Variants in ZBTB8B observed in about 807,000 individuals in gnomAD.
ZBTB8B encodes the protein zinc finger and BTB domain containing 8B.
A neutral mutation model predicts 30.3 loss-of-function variants in ZBTB8B; 17 were observed. The observed-to-expected ratio is 0.56, with a 90% confidence interval of 0.38 to 0.84. ZBTB8B has a LOEUF of 0.84. ZBTB8B is among the 40% of genes least tolerant of loss of function. ZBTB8B has a pLI of 0.00. For synonymous variants in ZBTB8B, 248 were observed against 255.6 expected, an observed-to-expected ratio of 0.97 and a Z score of 0.28; for missense variants, 515 against 644.9, an observed-to-expected ratio of 0.80 and a Z score of 2.18.
In ZBTB8B at chr1:32,465,857, C is replaced by T. The variant is rs1425951383; in HGVS notation, c.-42+752C>T. Among the ~76,000 whole-genome samples the T allele has an allele frequency of 1.3e-5, 2 of 152,044 alleles. No individual in the cohort carries two copies. Reference sequence around the variant, plus strand: ...AAGAGGATGTAGTTAGAGTATCTGTCGTACTGGATTATTGTGAGGTGAAAA... The same window carrying T: ...AAGAGGATGTAGTTAGAGTATCTGTTGTACTGGATTATTGTGAGGTGAAAA... On this transcript the variant is annotated intron_variant, in intron 1 of 3. Coordinates refer to ENST00000609129, the MANE Select transcript of ZBTB8B (RefSeq NM_001145720.2). The surrounding 1 kb of genome is among the most constrained non-coding windows in gnomAD (Gnocchi z 4.1).
rs992063687 is a variant in ZBTB8B, at chr1:32,494,117, A to C, written c.*8699A>C. On this transcript the variant is annotated 3_prime_UTR_variant, in exon 4 of 4. Coordinates refer to ENST00000609129, the MANE Select transcript of ZBTB8B (RefSeq NM_001145720.2). The stretch of plus-strand genomic sequence containing the variant: ...AGAATTGCTTGAGCCCAGGAGGTGG[A>C]GGTTGCAGTGAGCTGAGATCACACC... The C allele has an allele frequency of 1.5e-5, 2 of 134,756 alleles. No homozygotes were observed. The highest frequency in any genetic ancestry group is 3.1e-5 in the Non-Finnish European group (2 of 64,546). The allele number at this position is 134,756 out of a possible 1,614,324, so 8.3% of individuals were successfully genotyped here.
chr1:32,474,549 AG>A (rs1167724519), intron 2 of ZBTB8B, among the ~76,000 whole-genome samples: 10 of 151,408 alleles, frequency 6.6e-5, no homozygotes, highest in African/African-American at 2.4e-4. Context: ...AAAAGGAAAA[AG>A]AAAAAAAAAA....
At position 32,492,172 on chromosome 1, in the gene ZBTB8B, G is replaced by T. The variant is rs1031546035; in HGVS notation, c.*6754G>T. On this transcript the variant is annotated 3_prime_UTR_variant, in exon 4 of 4. Transcript: ENST00000609129. ...CTTTGGTGTCACTCATAATAGGTGAGTATAGTATGTCGTACTGTAGGGACA... is the reference window on the plus strand; with the variant it reads ...CTTTGGTGTCACTCATAATAGGTGATTATAGTATGTCGTACTGTAGGGACA... 2 of 151,978 alleles carry T rather than the reference G, an allele frequency of 1.3e-5. No homozygotes were observed. Among genetic ancestry groups the T allele is most frequent in the African/African-American group, 4.8e-5 (2 of 41,356 alleles). 9.4% of individuals were successfully genotyped at this position (151,978 alleles called of 1,614,324 possible).
intron 2 of ZBTB8B, among the ~76,000 whole-genome samples, chr1:32,476,400 C>G (rs543403027): frequency 6.6e-6 from 1 of 152,196 alleles, no homozygotes; most frequent in Non-Finnish European, 1.5e-5. Flanking sequence ...CTCCCCTTTC[C>G]TCATGTACCT....
chr1:32,474,047 C>T (rs1643643704), intron 2 of ZBTB8B, among the ~76,000 whole-genome samples: 1 of 151,800 alleles, frequency 6.6e-6, no homozygotes, highest in African/African-American at 2.4e-5. Flanking sequence ...GATGAGGTTT[C>T]ACCATGTTGG....
Position 32,490,408 on chromosome 1 carries a change from T to A in ZBTB8B, c.*4990T>A, listed in dbSNP as rs1412423492. On this transcript the variant is annotated 3_prime_UTR_variant, in exon 4 of 4. Transcript: ENST00000609129. ...GGGCACTGTTTTCATTGATTTCTGT[T>A]GCTTTTGTAGTTCTCTCCACTCAAC... 1 of 152,198 alleles carries A rather than the reference T, an allele frequency of 6.6e-6. No homozygotes were observed. Among genetic ancestry groups the A allele is most frequent in the Non-Finnish European group, 1.5e-5 (1 of 68,026 alleles). The allele number at this position is 152,198 out of a possible 1,614,324, so 9.4% of individuals were successfully genotyped here.
chr1:32,495,744 T>G lies in ZBTB8B; in HGVS notation c.*10326T>G, dbSNP rs552092582. ...TTTAGAATGAGTTGTTAGCTGGGTG[T>G]GGTAGTGTACACCTGTAGTCCCAGC... On this transcript the variant is annotated 3_prime_UTR_variant, in exon 4 of 4. Coordinates refer to ENST00000609129, the MANE Select transcript of ZBTB8B (RefSeq NM_001145720.2). The G allele has an allele frequency of 1.4e-3, 209 of 152,230 alleles. 2 individuals carry two copies. The highest frequency in any genetic ancestry group is 4.4e-3 in the African/African-American group (182 of 41,534). 9.4% of individuals were successfully genotyped at this position (152,230 alleles called of 1,614,324 possible). A position where few individuals can be genotyped will look rare whatever the true frequency, so the allele number is the denominator to read the frequency against.
At chr1:32,477,930 G>A (rs929237370) in intron 2 of ZBTB8B, among the ~76,000 whole-genome samples, 1 of 151,108 alleles carries the variant, frequency 6.6e-6, no homozygotes, top group African/African-American at 2.4e-5. Flanking sequence ...GGTGGTACTC[G>A]CCTGTAATCC....
chr1:32,486,960 A>G lies in ZBTB8B; in HGVS notation c.*1542A>G, dbSNP rs1456834857. On this transcript the variant is annotated 3_prime_UTR_variant, in exon 4 of 4. Transcript: ENST00000609129. ...AGCCACACAATTATTGTAACAAAAG[A>G]GGCTGAACTCTTTAAAGGGCTAAAG... The G allele has an allele frequency of 6.6e-6, 1 of 152,228 alleles. No individual in the cohort carries two copies. The highest frequency in any genetic ancestry group is 2.4e-5 in the African/African-American group (1 of 41,464). 9.4% of individuals were successfully genotyped at this position (152,228 alleles called of 1,614,324 possible). A position where few individuals can be genotyped will look rare whatever the true frequency, so the allele number is the denominator to read the frequency against.
In ZBTB8B at chr1:32,485,657, G is replaced by C; in HGVS notation, c.*239G>C. ...TTTGCTGGCCACTCCTTAATTCTGAGTGAGTCAAAGCAGGCCCTGAGGTCT... is the reference window on the plus strand; with the variant it reads ...TTTGCTGGCCACTCCTTAATTCTGACTGAGTCAAAGCAGGCCCTGAGGTCT... On this transcript the variant is annotated 3_prime_UTR_variant, in exon 4 of 4. Transcript: ENST00000609129. 5.8e-6 allele frequency: 3 copies of C among 517,404 alleles called. No individual in the cohort carries two copies. Among genetic ancestry groups the C allele is most frequent in the Non-Finnish European group, 1.0e-5 (3 of 288,852 alleles). The allele number at this position is 517,404 out of a possible 1,614,324, so 32.1% of individuals were successfully genotyped here.
rs1643731544 is a variant in ZBTB8B at position 32,484,840 on chromosome 1, G to C, written c.1171-261G>C. On this transcript the variant is annotated intron_variant, in intron 3 of 3. Coordinates refer to ENST00000609129, the MANE Select transcript of ZBTB8B (RefSeq NM_001145720.2). The surrounding 1 kb of genome is among the most constrained non-coding windows in gnomAD (Gnocchi z 4.5). ...TTCCTGAGGCCTCCCTAGAAGCCAA[G>C]CAGATGCCAGCATCATGCTTCCTGT... 1.3e-5 allele frequency among the ~76,000 whole-genome samples: 2 copies of C among 152,096 alleles called. No homozygotes were observed. The highest frequency in any genetic ancestry group is 4.8e-5 in the African/African-American group (2 of 41,412).
intron 2 of ZBTB8B, among the ~76,000 whole-genome samples, chr1:32,477,738 C>CAA (rs544220090): frequency 6.9e-5 from 7 of 100,882 alleles, no homozygotes; most frequent in Admixed American, 1.1e-4. Flanking sequence ...TCTGTCTCTA[C>CAA]AAAAAAAAAA....
In ZBTB8B at chr1:32,485,370, C is replaced by T; in HGVS notation, c.1440C>T (p.Asp480=). The T allele has an allele frequency of 6.4e-7, 1 of 1,552,158 alleles. No individual in the cohort carries two copies. Among genetic ancestry groups the T allele is most frequent in the Admixed American group, 2.0e-5 (1 of 50,982 alleles). ...ENDPAGDDSD[D]KPQIQPNLSD... ...ACCCTGCTGGAGATGATTCTGATGA[C>T]AAACCACAAATTCAGCCTAACTTAT... Residue 480 remains aspartate (D), a synonymous_variant, in exon 4 of 4, where the codon GAC becomes GAT. Coordinates refer to ENST00000609129, the MANE Select transcript of ZBTB8B (RefSeq NM_001145720.2).
At chr1:32,474,464 T>C (rs1643647903) in intron 2 of ZBTB8B, among the ~76,000 whole-genome samples, 1 of 144,616 alleles carries the variant, frequency 6.9e-6, no homozygotes. Context: ...CACCTGAGCC[T>C]GGGAGGTCGA....
In ZBTB8B at chr1:32,465,978, T is replaced by A. The variant is rs1012432748; in HGVS notation, c.-42+873T>A. Reference sequence around the variant, plus strand: ...GGGAGGATCTCTTGAGCCCAGGAGTTCCAGGCTGCATTGAGGTAGGATCGT... The same window carrying A: ...GGGAGGATCTCTTGAGCCCAGGAGTACCAGGCTGCATTGAGGTAGGATCGT... On this transcript the variant is annotated intron_variant, in intron 1 of 3. Transcript: ENST00000609129. The surrounding 1 kb of genome is among the most constrained non-coding windows in gnomAD (Gnocchi z 4.1). 2.0e-5 allele frequency among the ~76,000 whole-genome samples: 3 copies of A among 152,068 alleles called. No individual in the cohort carries two copies. Among genetic ancestry groups the A allele is most frequent in the Non-Finnish European group, 4.4e-5 (3 of 68,002 alleles).
chr1:32,471,176 G>A lies in ZBTB8B; in HGVS notation c.552G>A (p.Lys184=). The change falls in exon 2 of 4, where the codon AAG becomes AAA. Residue 184 remains lysine (K), a synonymous_variant. Coordinates refer to ENST00000609129, the MANE Select transcript of ZBTB8B (RefSeq NM_001145720.2). ...TCTCCTCTCCAGCCGAGGGAGAAAAGAGCGTGGAGTGCCTGAGAGAGTCCC... is the reference window on the plus strand; with the variant it reads ...TCTCCTCTCCAGCCGAGGGAGAAAAAAGCGTGGAGTGCCTGAGAGAGTCCC... ...SLVSSPAEGE[K]SVECLRESPC... 6.4e-7 allele frequency: 1 copy of A among 1,551,884 alleles called. No individual in the cohort carries two copies. Among genetic ancestry groups the A allele is most frequent in the Non-Finnish European group, 8.7e-7 (1 of 1,147,038 alleles).
rs1285716093 is a variant in ZBTB8B, at chr1:32,485,865, A to G, written c.*447A>G. 1 of 166,918 alleles carries G rather than the reference A, an allele frequency of 6.0e-6. No homozygotes were observed. Among genetic ancestry groups the G allele is most frequent in the Admixed American group, 5.6e-5 (1 of 17,824 alleles). The allele number at this position is 166,918 out of a possible 1,614,324, so 10.3% of individuals were successfully genotyped here. On this transcript the variant is annotated 3_prime_UTR_variant, in exon 4 of 4. Transcript: ENST00000609129. ...CCTTTCCTAATGAATTCCACATTAAATTTTCTGGCAAAGTATTAAAGAGAA... is the reference window on the plus strand; with the variant it reads ...CCTTTCCTAATGAATTCCACATTAAGTTTTCTGGCAAAGTATTAAAGAGAA...
intron 1 of ZBTB8B, among the ~76,000 whole-genome samples, chr1:32,470,247 T>C (rs2148180187): frequency 1.3e-5 from 2 of 152,120 alleles, no homozygotes; most frequent in Middle Eastern, 6.8e-3. Context: ...ACGCCTGTAA[T>C]CCCAGCGCTT....
rs1643813531 is a variant in ZBTB8B at position 32,495,863 on chromosome 1, C to G, written c.*10445C>G. On this transcript the variant is annotated 3_prime_UTR_variant, in exon 4 of 4. Coordinates refer to ENST00000609129, the MANE Select transcript of ZBTB8B (RefSeq NM_001145720.2). ...TGTCACCACACTCCAGCGTGGGCAACAGAATGAGACCCTGTCTCAAAAAAA... is the reference window on the plus strand; with the variant it reads ...TGTCACCACACTCCAGCGTGGGCAAGAGAATGAGACCCTGTCTCAAAAAAA... 1 of 151,660 alleles carries G rather than the reference C, an allele frequency of 6.6e-6. No individual in the cohort carries two copies. The highest frequency in any genetic ancestry group is 1.5e-5 in the Non-Finnish European group (1 of 67,970). 9.4% of individuals were successfully genotyped at this position (151,660 alleles called of 1,614,324 possible). A position where few individuals can be genotyped will look rare whatever the true frequency, so the allele number is the denominator to read the frequency against.
Sources: gnomAD v4.1 joint callset for allele counts (sites outside exome capture counted in the v4.1 genomes callset) on GRCh38, gnomAD v4.1.1 for gene constraint, Gnocchi (gnomAD v3.1) non-coding constraint, MANE v1.5 for transcripts, NCBI Gene and HGNC (gene_info 2026-07-23, HGNC 2026-07-21) for gene names.